PARP8: variants seen among roughly 807,000 people sequenced by gnomAD.
PARP8 encodes protein mono-ADP-ribosyltransferase PARP8.
A neutral mutation model predicts 124.1 loss-of-function variants in PARP8; 51 were observed. The observed-to-expected ratio is 0.41, with a 90% CI of 0.33 to 0.52. PARP8 has a LOEUF of 0.52. Ranked by LOEUF, PARP8 falls within the 20% of genes least tolerant of loss-of-function variation. PARP8 has a pLI of 0.21. For missense variants in PARP8, 860 were observed against 1,018.9 expected, an observed-to-expected ratio of 0.84 and a Z score of 2.12; for synonymous variants, 391 against 361.5, an observed-to-expected ratio of 1.08 and a Z score of -0.93.
intron 7 of PARP8, among the ~76,000 whole-genome samples, chr5:50,776,624 A>C (rs1321761802): frequency 6.6e-6 from 1 of 152,192 alleles, no homozygotes; most frequent in Non-Finnish European, 1.5e-5. Context: ...TGTATTTTTA[A>C]AGGAGAGAAT....
At chr5:50,711,273 C>T (rs1754744759) in intron 2 of PARP8, among the ~76,000 whole-genome samples, 1 of 152,132 alleles carries the variant, frequency 6.6e-6, no homozygotes, top group Admixed American at 6.6e-5. Context: ...GCAAAGGGAA[C>T]ACCAGTGTTG....
intron 2 of PARP8, among the ~76,000 whole-genome samples, chr5:50,686,791 G>A (rs1751912595): frequency 6.6e-6 from 1 of 152,340 alleles, no homozygotes; most frequent in Admixed American, 6.5e-5. Context: ...GCAACAGCCT[G>A]AGCTATACCT....
intron 14 of PARP8, among the ~76,000 whole-genome samples, chr5:50,800,474 G>T (rs538109048): frequency 1.3e-5 from 2 of 151,846 alleles, no homozygotes; most frequent in East Asian, 3.8e-4. Flanking sequence ...ATTAGAAGTG[G>T]CAAGAAAAGA....
Position 50,667,134 on chromosome 5 carries a change from T to C in PARP8, c.39T>C (p.Asp13=). 2 of 1,596,324 alleles carry C rather than the reference T, an allele frequency of 1.3e-6. No individual in the cohort carries two copies. The highest frequency in any genetic ancestry group is 1.7e-6 in the Non-Finnish European group (2 of 1,179,750). Residue 13 remains aspartate (D), a synonymous_variant, in exon 1 of 26, where the codon GAT becomes GAC. Transcript: ENST00000281631. ...CAAGGCAAGAGCGAATTCAGAAGGA[T>C]ATCGACGTCGTGATCCAGAAGTCCA... ...MCSRQERIQK[D]IDVVIQKSRA... is the part of the protein sequence containing the mutation.
chr5:50,716,837 T>C (rs760029547), intron 2 of PARP8, among the ~76,000 whole-genome samples: 7 of 152,120 alleles, frequency 4.6e-5, no homozygotes, highest in Non-Finnish European at 1.0e-4. Flanking sequence ...ATATTTAGTT[T>C]CTTCCTGCTA....
At chr5:50,818,186 C>T (rs948064257) in intron 15 of PARP8, among the ~76,000 whole-genome samples, 2 of 144,926 alleles carry the variant, frequency 1.4e-5, no homozygotes, top group African/African-American at 2.5e-5. Flanking sequence ...GCCCCCCCCC[C>T]CCCAAAAAAA....
At chr5:50,798,713 C>G (rs761006093) in intron 14 of PARP8, among the ~76,000 whole-genome samples, 5 of 152,132 alleles carry the variant, frequency 3.3e-5, no homozygotes, top group Non-Finnish European at 5.9e-5. Flanking sequence ...TGAACCACCG[C>G]GCCTGGCCTG....
Position 50,838,294 on chromosome 5 carries a change from C to T in PARP8, c.2462+3279C>T, listed in dbSNP as rs186859076. Among the ~76,000 whole-genome samples, 473 of 152,104 alleles carry T rather than the reference C, an allele frequency of 3.1e-3. 2 individuals carry two copies. Among genetic ancestry groups the T allele is most frequent in the Middle Eastern group, 0.024 (7 of 294 alleles). On this transcript the variant is annotated intron_variant, in intron 25 of 25. Transcript: ENST00000281631. The stretch of plus-strand genomic sequence containing the variant: ...AGTAGTCATCAATTCCCAAGTTTAT[C>T]TTTTCACAATTTTGTCCCAATGCCT...
chr5:50,747,163 G>GTTTTTTTTTTTTTTTTTTTTTTTTTTTT (rs1211253892), intron 2 of PARP8, among the ~76,000 whole-genome samples: 19 of 95,496 alleles, frequency 2.0e-4, no homozygotes, highest in East Asian at 3.2e-4. Context: ...TGTTTGTTTT[G>GTTTTTTTTTTTTTTTTTTTTTTTTTTTT]TTTTTTTTTT....
chr5:50,711,150 G>A (rs1253414135), intron 2 of PARP8, among the ~76,000 whole-genome samples: 2 of 152,008 alleles, frequency 1.3e-5, no homozygotes, highest in Non-Finnish European at 1.5e-5. Flanking sequence ...TTCCTCTCTC[G>A]TTTTACCTCC....
At chr5:50,756,702 T>A (rs1484146783) in intron 3 of PARP8, among the ~76,000 whole-genome samples, 2 of 152,182 alleles carry the variant, frequency 1.3e-5, no homozygotes, top group African/African-American at 2.4e-5. Context: ...TGTATACATG[T>A]GTAGTAATTA....
At chr5:50,819,427 CTTTTTTT>C (rs34347134) in intron 15 of PARP8, among the ~76,000 whole-genome samples, 81 of 46,648 alleles carry the variant, frequency 1.7e-3, no homozygotes, top group African/African-American at 6.3e-3. Context: ...ATTTTATCTT[CTTTTTTT>C]TTTTTTTTTT....
chr5:50,726,150 G>A (rs533658614), intron 2 of PARP8, among the ~76,000 whole-genome samples: 2 of 151,486 alleles, frequency 1.3e-5, no homozygotes, highest in African/African-American at 4.8e-5. Context: ...TATTTTAGCT[G>A]TGTGTCAAAC....
intron 2 of PARP8, among the ~76,000 whole-genome samples, chr5:50,718,280 T>A (rs541259783): frequency 5.5e-4 from 84 of 152,174 alleles, no homozygotes; most frequent in African/African-American, 1.9e-3. Flanking sequence ...AATTTTAGTG[T>A]AAAATTATTA....
At chr5:50,812,113 A>G (rs1413062419) in intron 14 of PARP8, among the ~76,000 whole-genome samples, 2 of 152,192 alleles carry the variant, frequency 1.3e-5, no homozygotes, top group Admixed American at 1.3e-4. Flanking sequence ...CAGTAATGGG[A>G]TCGCTGAGTC....
intron 15 of PARP8, among the ~76,000 whole-genome samples, chr5:50,819,427 CTTTTTTTTTTTTTT>C (rs34347134): frequency 1.1e-4 from 5 of 46,638 alleles, no homozygotes; most frequent in Non-Finnish European, 1.5e-4. Flanking sequence ...ATTTTATCTT[CTTTTTTTTTTTTTT>C]TTTTTTTTTT....
chr5:50,794,458 T>A, intron 11 of PARP8, 126 bp downstream of exon 11: 1 of 1,016,772 alleles, frequency 9.8e-7, no homozygotes, highest in Admixed American at 2.6e-5. Flanking sequence ...AAGAAAAGAC[T>A]GAGTTAGATG....
intron 2 of PARP8, among the ~76,000 whole-genome samples, chr5:50,674,587 C>A (rs111699246): frequency 1.4e-3 from 217 of 152,272 alleles, no homozygotes; most frequent in Non-Finnish European, 2.4e-3. Flanking sequence ...CAGCTTTTTC[C>A]ATATAGACCT....
intron 14 of PARP8, among the ~76,000 whole-genome samples, chr5:50,801,816 G>T (rs1228621426): frequency 6.6e-6 from 1 of 152,086 alleles, no homozygotes; most frequent in Non-Finnish European, 1.5e-5. Context: ...ATACGTATAT[G>T]TTTATAAGTG....
Sources: allele counts gnomAD v4.1 joint callset (sites outside exome capture counted in the v4.1 genomes callset), GRCh38; gene constraint gnomAD v4.1.1; transcripts MANE v1.5; gene names NCBI Gene and HGNC (gene_info 2026-07-23, HGNC 2026-07-21).